Variants in FANCB observed in about 807,000 individuals in gnomAD.
FANCB encodes the protein Fanconi anemia group B protein.
Under a neutral mutation model 38.9 loss-of-function variants are expected in FANCB, and 5 were observed. The ratio of observed to expected loss-of-function variants is 0.13; its 90% CI spans 0.07 to 0.27. The LOEUF (loss-of-function observed/expected upper bound fraction) is 0.27. FANCB is among the 10% of genes least tolerant of loss of function. The pLI is 1.00. For synonymous variants in FANCB, 236 were observed against 215.4 expected (o/e 1.10, Z -0.84); for missense variants, 573 against 602.7 (o/e 0.95, Z 0.52).
chrX:14,821,536 T>C, the FANCB span, among the ~76,000 whole-genome samples: 30 of 112,287 alleles, frequency 2.7e-4, no homozygotes, highest in Non-Finnish European at 4.9e-4. Flanking sequence ...AGTTAAGACA[T>C]ATGACATGAC....
the FANCB span, among the ~76,000 whole-genome samples, chrX:14,763,634 A>G: frequency 8.9e-6 from 1 of 111,874 alleles, no homozygotes; most frequent in Non-Finnish European, 1.9e-5. Flanking sequence ...GTTAAAATTT[A>G]TGCAGTATTC....
the FANCB span, among the ~76,000 whole-genome samples, chrX:14,807,619 T>C: frequency 8.9e-6 from 1 of 111,881 alleles, no homozygotes; most frequent in African/African-American, 3.3e-5. Context: ...CCATGATGCT[T>C]AGATTCTATG....
At chrX:14,701,252 G>A in the FANCB span, among the ~76,000 whole-genome samples, 4 of 111,191 alleles carry the variant, frequency 3.6e-5, no homozygotes, top group African/African-American at 6.5e-5. Flanking sequence ...AGGGGAAATT[G>A]GATATGTAGG....
the FANCB span, among the ~76,000 whole-genome samples, chrX:14,694,179 T>C: frequency 5.4e-5 from 6 of 111,952 alleles, no homozygotes; most frequent in Non-Finnish European, 9.4e-5. Flanking sequence ...AAGAACCAGA[T>C]TGCAGTAGTT....
intron 3 of FANCB, among the ~76,000 whole-genome samples, chrX:14,860,719 CAT>C (rs1356943530): frequency 8.9e-6 from 1 of 112,031 alleles, no homozygotes; most frequent in Non-Finnish European, 1.9e-5. Flanking sequence ...ACATTTACAA[CAT>C]GTTTTAATTC....
the FANCB span, among the ~76,000 whole-genome samples, chrX:14,736,806 C>T: frequency 1.4e-4 from 16 of 111,452 alleles, no homozygotes; most frequent in South Asian, 1.9e-3. Context: ...AGTATCTCCA[C>T]GAAGAAAGAA....
intron 9 of FANCB, 81 bp downstream of exon 9, chrX:14,844,422 G>A: frequency 2.9e-6 from 2 of 693,245 alleles, no homozygotes; most frequent in South Asian, 4.3e-5. Flanking sequence ...CAAAACACAT[G>A]CGGATCGCTG....
In FANCB at chrX:14,843,885, G is replaced by A; in HGVS notation, c.2262C>T (p.Phe754=). The change falls in exon 10 of 10, where the codon TTC becomes TTT. Residue 754 remains phenylalanine, a synonymous_variant. Coordinates refer to ENST00000650831, the MANE Select transcript of FANCB (RefSeq NM_001018113.3). The stretch of plus-strand genomic sequence containing the variant: ...AAGTAAATGCCATATTATCAATTAG[G>A]AAATTCTCACTTCCTGATTTTAGAT... The part of the protein sequence containing the change: ...LKNLKSGSEN[F]LIDNMAFTLE... 1 of 1,207,323 alleles carries A rather than the reference G, an allele frequency of 8.3e-7. No homozygotes were observed. Among genetic ancestry groups the A allele is most frequent in the Non-Finnish European group, 1.1e-6 (1 of 892,711 alleles).
At chrX:14,787,320 A>G in the FANCB span, among the ~76,000 whole-genome samples, 1 of 110,345 alleles carries the variant, frequency 9.1e-6, no homozygotes, top group East Asian at 2.8e-4. Context: ...TCACTTACAC[A>G]TGGAATCTTA....
chrX:14,811,577 T>G, the FANCB span, among the ~76,000 whole-genome samples: 1 of 111,560 alleles, frequency 9.0e-6, no homozygotes, highest in East Asian at 2.8e-4. Context: ...AGAAGGCCAT[T>G]ACATAATGGT....
chrX:14,730,028 T>C, the FANCB span, among the ~76,000 whole-genome samples: 1 of 112,061 alleles, frequency 8.9e-6, no homozygotes, highest in African/African-American at 3.2e-5. Context: ...GAAAAGTTAA[T>C]CAACTGTATC....
chrX:14,703,783 C>G, the FANCB span, among the ~76,000 whole-genome samples: 13 of 111,574 alleles, frequency 1.2e-4, no homozygotes, highest in Non-Finnish European at 2.4e-4. Flanking sequence ...CTTCCTCAAC[C>G]CTTGGTAAGT....
the FANCB span, among the ~76,000 whole-genome samples, chrX:14,749,265 T>C: frequency 9.0e-6 from 1 of 111,441 alleles, no homozygotes; most frequent in African/African-American, 3.3e-5. Flanking sequence ...GGAAATAAGA[T>C]AAATGGGTGG....
At chrX:14,775,493 C>T in the FANCB span, among the ~76,000 whole-genome samples, 1 of 111,338 alleles carries the variant, frequency 9.0e-6, no homozygotes, top group Non-Finnish European at 1.9e-5. Context: ...GCCAGCTAGG[C>T]AAGGGTGCAA....
chrX:14,822,450 T>C, the FANCB span, among the ~76,000 whole-genome samples: 41 of 109,769 alleles, frequency 3.7e-4, no homozygotes, highest in African/African-American at 1.2e-3. Flanking sequence ...CTCAGCTCTC[T>C]CTAGCTTGCC....
the FANCB span, among the ~76,000 whole-genome samples, chrX:14,778,658 A>C: frequency 1.8e-5 from 2 of 112,371 alleles, no homozygotes; most frequent in African/African-American, 3.2e-5. Flanking sequence ...CAACTCGATG[A>C]ATAATTCTCT....
At chrX:14,811,674 T>G in the FANCB span, among the ~76,000 whole-genome samples, 2 of 111,750 alleles carry the variant, frequency 1.8e-5, no homozygotes, top group Non-Finnish European at 3.8e-5. Flanking sequence ...AAGGAAGTCC[T>G]GAGTGACCTA....
the FANCB span, among the ~76,000 whole-genome samples, chrX:14,694,518 T>C: frequency 5.4e-5 from 6 of 112,053 alleles, no homozygotes; most frequent in Non-Finnish European, 7.5e-5. Context: ...TTAGTTTCAA[T>C]ATAGCAAATA....
At chrX:14,703,244 C>T in the FANCB span, among the ~76,000 whole-genome samples, 1 of 111,791 alleles carries the variant, frequency 8.9e-6, no homozygotes, top group African/African-American at 3.3e-5. Flanking sequence ...CAGAGGCCAT[C>T]TTTGGCTCAT....
Sources: gnomAD v4.1 joint callset for allele counts (sites outside exome capture counted in the v4.1 genomes callset) on GRCh38, gnomAD v4.1.1 for gene constraint, MANE v1.5 for transcripts, NCBI Gene and HGNC (gene_info 2026-07-23, HGNC 2026-07-21) for gene names.